NOX3: variants seen among roughly 807,000 people sequenced by gnomAD.
NOX3 encodes NADPH oxidase catalytic subunit-like 3.
Under a neutral mutation model 76.7 loss-of-function variants are expected in NOX3, and 74 were observed. That is an observed-to-expected ratio of 0.96 (90% CI 0.80 to 1.17). The LOEUF (loss-of-function observed/expected upper bound fraction) is 1.17, where lower values mean the gene tolerates loss of function less well. NOX3 is among the 50% of genes most tolerant of loss of function. The pLI is 0.00. For synonymous variants in NOX3, 263 were observed against 261.1 expected (o/e 1.01, Z -0.07); for missense variants, 695 against 703.3 (o/e 0.99, Z 0.13).
chr6:155,454,234 T>A (rs879662111), intron 3 of NOX3, among the ~76,000 whole-genome samples: 6 of 152,150 alleles, frequency 3.9e-5, no homozygotes, highest in South Asian at 2.1e-4. Flanking sequence ...TAAGGGGAAG[T>A]GCAATAAAAT....
intron 12 of NOX3, among the ~76,000 whole-genome samples, chr6:155,404,169 T>A (rs918664899): frequency 6.6e-5 from 10 of 151,782 alleles, no homozygotes; most frequent in Non-Finnish European, 1.2e-4. Context: ...CAAAAACCCC[T>A]TGAGTTTTCT....
At chr6:155,437,111 A>G (rs1776914450) in intron 6 of NOX3, among the ~76,000 whole-genome samples, 1 of 152,190 alleles carries the variant, frequency 6.6e-6, no homozygotes, top group South Asian at 2.1e-4. Context: ...CGGTATTGAT[A>G]CATTTAGGAA....
At chr6:155,397,445 A>C (rs923696680) in intron 12 of NOX3, among the ~76,000 whole-genome samples, 3 of 152,200 alleles carry the variant, frequency 2.0e-5, no homozygotes, top group Non-Finnish European at 4.4e-5. Flanking sequence ...CTTCTTGGAT[A>C]CGTGACCAGA....
intron 8 of NOX3, among the ~76,000 whole-genome samples, chr6:155,430,197 G>A (rs1052441716): frequency 1.3e-5 from 2 of 152,052 alleles, no homozygotes; most frequent in African/African-American, 4.8e-5. Context: ...CACTCTCCTA[G>A]GCATGCATTT....
chr6:155,427,032 G>GTGCT (rs1776767073), intron 9 of NOX3, among the ~76,000 whole-genome samples: 3 of 57,090 alleles, frequency 5.3e-5, no homozygotes, highest in African/African-American at 2.0e-4. Flanking sequence ...TGTGTGTGCT[G>GTGCT]GGGGGGTTGG....
chr6:155,420,082 T>C (rs1281568394), intron 10 of NOX3, among the ~76,000 whole-genome samples: 1 of 152,150 alleles, frequency 6.6e-6, no homozygotes, highest in Non-Finnish European at 1.5e-5. Context: ...GAACTCACAG[T>C]CTGTTAGAGA....
intron 4 of NOX3, among the ~76,000 whole-genome samples, chr6:155,451,403 T>C (rs1777137964): frequency 6.6e-6 from 1 of 152,190 alleles, no homozygotes; most frequent in Non-Finnish European, 1.5e-5. Context: ...CAGCTGCTTA[T>C]ACTAAATTAT....
At chr6:155,405,556 A>T (rs1372886921) in intron 12 of NOX3, among the ~76,000 whole-genome samples, 28 of 152,076 alleles carry the variant, frequency 1.8e-4, no homozygotes, top group Non-Finnish European at 1.2e-4. Context: ...TTCCACGTGG[A>T]TGTATGACAG....
At chr6:155,425,586 T>C (rs557922252) in intron 9 of NOX3, among the ~76,000 whole-genome samples, 2 of 152,354 alleles carry the variant, frequency 1.3e-5, no homozygotes, top group South Asian at 2.1e-4. Context: ...ATAATAATAG[T>C]AGCTAACTCT....
rs558563415 is a variant in NOX3 at position 155,405,343 on chromosome 6, C to T, written c.1580+1787G>A. 1.1e-3 allele frequency among the ~76,000 whole-genome samples: 163 copies of T among 152,254 alleles called. No homozygotes were observed. The Middle Eastern group carries it at 0.02, about 19-fold the overall frequency. ...ATTATTAAGGCAGATATGAGTGTCA[C>T]GTATTAAACTCTGTGACCTGTCAAT... On this transcript the variant is annotated intron_variant, in intron 12 of 13. Transcript: ENST00000159060.
chr6:155,418,062 A>C lies in NOX3; in HGVS notation c.1308+4632T>G, dbSNP rs1239117954. 2.6e-5 allele frequency among the ~76,000 whole-genome samples: 4 copies of C among 152,240 alleles called. No individual in the cohort carries two copies. In the East Asian group the frequency reaches 7.7e-4, roughly 29 times the overall value. The stretch of plus-strand genomic sequence containing the variant: ...GTTAAGAAAACGAACCGCATCTTGC[A>C]GTTGGCAGTTGTCTCAGTCCTGACT... On this transcript the variant is annotated intron_variant, in intron 10 of 13. Transcript: ENST00000159060.
intron 3 of NOX3, among the ~76,000 whole-genome samples, chr6:155,453,790 C>A (rs1351034727): frequency 6.6e-6 from 1 of 152,158 alleles, no homozygotes; most frequent in African/African-American, 2.4e-5. Flanking sequence ...AAGGTAATAG[C>A]CATCATCCTC....
At chr6:155,447,060 T>TG (rs1453139609) in intron 4 of NOX3, among the ~76,000 whole-genome samples, 1 of 151,894 alleles carries the variant, frequency 6.6e-6, no homozygotes, top group East Asian at 1.9e-4. Flanking sequence ...TTTTTTTTTT[T>TG]TTTGAGACAG....
intron 4 of NOX3, among the ~76,000 whole-genome samples, chr6:155,445,620 G>T (rs538515801): frequency 1.3e-5 from 2 of 152,092 alleles, no homozygotes; most frequent in East Asian, 3.9e-4. Flanking sequence ...CAGCACAAAT[G>T]ATAGTATGAC....
rs147487775 is a variant in NOX3 at position 155,398,706 on chromosome 6, T to G, written c.1581-1744A>C. ...CTTAATGAAGAGATTTTGAGGTGTT[T>G]ATGGAAATAAAAGGCAATGGTTAAG... On this transcript the variant is annotated intron_variant, in intron 12 of 13. Transcript: ENST00000159060. 2.0e-5 allele frequency among the ~76,000 whole-genome samples: 3 copies of G among 152,348 alleles called. No individual in the cohort carries two copies. In the East Asian group the frequency reaches 5.8e-4, roughly 29 times the overall value.
intron 12 of NOX3, among the ~76,000 whole-genome samples, chr6:155,406,058 C>T (rs1258663136): frequency 6.6e-6 from 1 of 152,216 alleles, no homozygotes; most frequent in Non-Finnish European, 1.5e-5. Flanking sequence ...GGCACATGCT[C>T]CAGTTGCCCA....
intron 12 of NOX3, among the ~76,000 whole-genome samples, chr6:155,406,745 C>T (rs890296941): frequency 1.3e-5 from 2 of 152,178 alleles, no homozygotes; most frequent in African/African-American, 4.8e-5. Flanking sequence ...GAAATCCCTG[C>T]TTTGTCTTCT....
chr6:155,422,948 G>A, intron 9 of NOX3, 92 bp from the exon 10 acceptor site: 4 of 1,280,374 alleles, frequency 3.1e-6, no homozygotes, highest in Non-Finnish European at 3.3e-6. Flanking sequence ...TTTACAGGAC[G>A]TGTTTGCCAG....
chr6:155,424,636 C>G (rs1362048018), intron 9 of NOX3, among the ~76,000 whole-genome samples: 3 of 152,166 alleles, frequency 2.0e-5, no homozygotes, highest in South Asian at 2.1e-4. Flanking sequence ...AATGAACTCT[C>G]CTCAAGTTAA....
Sources: allele counts gnomAD v4.1 joint callset (sites outside exome capture counted in the v4.1 genomes callset), GRCh38; gene constraint gnomAD v4.1.1; transcripts MANE v1.5; gene names NCBI Gene and HGNC (gene_info 2026-07-23, HGNC 2026-07-21).